Variants in DYNC2I1 observed in about 807,000 individuals in gnomAD.
DYNC2I1 encodes dynein 2 intermediate chain 1.
In DYNC2I1, 89 loss-of-function variants were observed where a neutral mutation model predicts 133.4. The ratio of observed to expected loss-of-function variants is 0.67; its 90% confidence interval spans 0.56 to 0.80. The LOEUF (loss-of-function observed/expected upper bound fraction) is 0.80, where lower values mean the gene tolerates loss of function less well. DYNC2I1 is among the 30% of genes least tolerant of loss of function. DYNC2I1 has a pLI of 0.00. For synonymous variants in DYNC2I1, 504 were observed against 484.3 expected (o/e 1.04, Z -0.54); for missense variants, 1,291 against 1,314.5 (o/e 0.98, Z 0.28).
Position 158,906,109 on chromosome 7 carries a change from G to A in DYNC2I1, c.1460+18G>A, listed in dbSNP as rs773231172. ...AAGCAAAAGTAGGTGTATTGGGAAA[G>A]CAGCCAAAGGTGTTCAGGGTTTTAG... On this transcript the variant is annotated intron_variant, in intron 11 of 24. Coordinates refer to ENST00000407559, the MANE Select transcript of DYNC2I1 (RefSeq NM_018051.5). 2.5e-6 allele frequency: 4 copies of A among 1,597,294 alleles called. No individual in the cohort carries two copies. Among genetic ancestry groups the A allele is most frequent in the African/African-American group, 1.3e-5 (1 of 74,550 alleles).
In DYNC2I1 at chr7:158,953,712, G is replaced by A. The variant is rs146752383; in HGVS notation, c.*57-2871G>A. Among the ~76,000 whole-genome samples, 608 of 152,050 alleles carry A rather than the reference G, an allele frequency of 4.0e-3. 7 individuals carry two copies. Among genetic ancestry groups the A allele is most frequent in the African/African-American group, 0.014 (584 of 41,492 alleles). ...CTGCAGAAAAGTAGCTTACATATGC[G>A]TGTGTGTATATATATGTTACATGTG... On this transcript the variant is annotated intron_variant and NMD_transcript_variant, in intron 4 of 4. Transcript: ENST00000454771.
intron 23 of DYNC2I1, among the ~76,000 whole-genome samples, chr7:158,939,866 CA>C (rs1190801319): frequency 2.6e-5 from 4 of 151,964 alleles, no homozygotes; most frequent in East Asian, 3.9e-4. Context: ...TAAAAAATGA[CA>C]AAAAGGGGTC....
At chr7:158,920,762 G>A (rs192057567) in intron 15 of DYNC2I1, among the ~76,000 whole-genome samples, 128 of 152,328 alleles carry the variant, frequency 8.4e-4, no homozygotes, top group African/African-American at 3.0e-3. Flanking sequence ...AGAGGCATGA[G>A]ACGGAGTGTG....
intron 8 of DYNC2I1, among the ~76,000 whole-genome samples, chr7:158,893,945 G>T (rs908415674): frequency 1.3e-5 from 2 of 151,278 alleles, no homozygotes; most frequent in Non-Finnish European, 2.9e-5. Flanking sequence ...TTATTCTACT[G>T]CACATCTTAC....
intron 24 of DYNC2I1, among the ~76,000 whole-genome samples, chr7:158,942,428 A>G (rs1045216803): frequency 1.7e-4 from 26 of 152,180 alleles, no homozygotes; most frequent in Non-Finnish European, 1.8e-4. Context: ...CTGTTCCCAC[A>G]CCACCACCAC....
the DYNC2I1 span, among the ~76,000 whole-genome samples, chr7:158,851,032 G>C: frequency 6.6e-6 from 1 of 151,550 alleles, no homozygotes; most frequent in Non-Finnish European, 1.5e-5. Flanking sequence ...TTAAAGAAGA[G>C]TCAAGGAAAT....
chr7:158,898,869 TG>T (rs1469305325), intron 8 of DYNC2I1, among the ~76,000 whole-genome samples: 6 of 151,400 alleles, frequency 4.0e-5, no homozygotes, highest in African/African-American at 1.2e-4. Context: ...AGTTAAAGGT[TG>T]TTTTTTTTTT....
intron 8 of DYNC2I1, among the ~76,000 whole-genome samples, chr7:158,892,971 C>T (rs893658815): frequency 2.0e-5 from 3 of 150,812 alleles, no homozygotes; most frequent in African/African-American, 7.3e-5. Flanking sequence ...GAGGAAGATA[C>T]AAAGATTTCC....
Position 158,880,811 on chromosome 7 carries a change from G to T in DYNC2I1, c.879+822G>T, listed in dbSNP as rs556104919. 4.6e-5 allele frequency among the ~76,000 whole-genome samples: 7 copies of T among 152,262 alleles called. No individual in the cohort carries two copies. The South Asian group carries it at 1.5e-3, about 32-fold the overall frequency. On this transcript the variant is annotated intron_variant, in intron 5 of 24. Transcript: ENST00000407559. ...TTTAGCACCTTTTGTTCTCATGAGT[G>T]TGCTTTTTGCTGCTGTTTTTACAGA... is the stretch of plus-strand genomic sequence containing the variant.
At chr7:158,873,946 C>T (rs930595075) in intron 3 of DYNC2I1, among the ~76,000 whole-genome samples, 8 of 151,962 alleles carry the variant, frequency 5.3e-5, no homozygotes, top group South Asian at 2.1e-4. Flanking sequence ...TTAGCAGCGA[C>T]GGGGGTTTCA....
rs1484068117 is a variant in DYNC2I1 at position 158,870,001 on chromosome 7, T to C, written c.69+93T>C. ...CCTGGTACACAACACTGTATAACTT[T>C]GGTTATGTGTGCCTCATTTCAGAAG... On this transcript the variant is annotated intron_variant, in intron 2 of 24. Coordinates refer to ENST00000407559, the MANE Select transcript of DYNC2I1 (RefSeq NM_018051.5). 5 of 1,008,604 alleles carry C rather than the reference T, an allele frequency of 5.0e-6. No homozygotes were observed. The African/African-American group carries it at 7.4e-5, about 15-fold the overall frequency. The allele number at this position is 1,008,604 out of a possible 1,614,324, so 62.5% of individuals were successfully genotyped here.
intron 14 of DYNC2I1, among the ~76,000 whole-genome samples, chr7:158,918,393 T>G (rs1450903165): frequency 7.9e-5 from 12 of 152,224 alleles, no homozygotes. Context: ...CAAAACCCAG[T>G]GAGAGAGACT....
chr7:158,910,142 G>A (rs987575765), intron 11 of DYNC2I1, among the ~76,000 whole-genome samples: 2 of 152,250 alleles, frequency 1.3e-5, no homozygotes, highest in African/African-American at 4.8e-5. Flanking sequence ...AATATCTTAA[G>A]GATTTGACCC....
Position 158,868,277 on chromosome 7 carries a change from C to G in DYNC2I1, c.16-1578C>G, listed in dbSNP as rs545913794. ...GTTGGATACCTGGTGAGCTGGCTGT[C>G]CGGATGCCGCCTTTCCCGGCACGCA... On this transcript the variant is annotated intron_variant, in intron 1 of 24. Transcript: ENST00000407559. Among the ~76,000 whole-genome samples the G allele has an allele frequency of 7.9e-5, 12 of 152,268 alleles. No homozygotes were observed. The East Asian group carries it at 1.9e-3, about 24-fold the overall frequency.
chr7:158,894,225 A>G (rs1367191549), intron 8 of DYNC2I1, among the ~76,000 whole-genome samples: 1 of 152,050 alleles, frequency 6.6e-6, no homozygotes, highest in Admixed American at 6.6e-5. Flanking sequence ...TGCATATCCT[A>G]CCACATATCG....
At chr7:158,853,111 G>T (rs1841092606), upstream of DYNC2I1, among the ~76,000 whole-genome samples, 1 of 152,230 alleles carries the variant, frequency 6.6e-6, no homozygotes, top group Admixed American at 6.5e-5. Context: ...ATCCAGGGCA[G>T]GCAGCCATGT....
intron 11 of DYNC2I1, among the ~76,000 whole-genome samples, 199 bp from the exon 12 acceptor site, chr7:158,911,351 G>A (rs1450484868): frequency 6.6e-6 from 1 of 152,108 alleles, no homozygotes; most frequent in Non-Finnish European, 1.5e-5. Context: ...CAAATGCCAA[G>A]GTCACACACC....
rs1393210846 is a variant in DYNC2I1 at position 158,911,624 on chromosome 7, C to T, written c.1535C>T (p.Pro512Leu). 1.2e-6 allele frequency: 2 copies of T among 1,613,186 alleles called. No individual in the cohort carries two copies. Among genetic ancestry groups the T allele is most frequent in the African/African-American group, 1.3e-5 (1 of 74,832 alleles). Reference sequence around the variant, plus strand: ...ACTTTCTCTCTCTTGGATCTACCACCAGTAAATGAATATGACATGTATATC... The same window carrying T: ...ACTTTCTCTCTCTTGGATCTACCACTAGTAAATGAATATGACATGTATATC... ...SFTFSLLDLPPVNEYDMYIRN... is the reference protein window; with the variant it reads ...SFTFSLLDLPLVNEYDMYIRN... Residue 512 changes from proline to leucine, a missense_variant, in exon 12 of 25, where the codon CCA becomes CTA. Coordinates refer to ENST00000407559, the MANE Select transcript of DYNC2I1 (RefSeq NM_018051.5).
rs200915199 is a variant in DYNC2I1, at chr7:158,922,510, G to A, written c.2055G>A (p.Gln685=). Residue 685 remains glutamine (Q), a synonymous_variant, in exon 16 of 25, where the codon CAG becomes CAA. Transcript: ENST00000407559. ...TCCTCTGTGTGTGGGATATTTGGCA[G>A]CCTTCAGGGCCACAGAAAGTTCTGA... ...KYVLCVWDIW[Q]PSGPQKVLIC... The A allele has an allele frequency of 9.9e-6, 16 of 1,613,840 alleles. No individual in the cohort carries two copies. The East Asian group carries it at 3.6e-4, about 36-fold the overall frequency.
Sources: allele counts gnomAD v4.1 joint callset (sites outside exome capture counted in the v4.1 genomes callset), GRCh38; gene constraint gnomAD v4.1.1; transcripts MANE v1.5; gene names NCBI Gene and HGNC (gene_info 2026-07-23, HGNC 2026-07-21).